IMMP2L: variants seen among roughly 807,000 people sequenced by gnomAD.
IMMP2L encodes the protein inner mitochondrial membrane peptidase subunit 2, also known as mitochondrial inner membrane protease subunit 2.
In IMMP2L, 18 loss-of-function variants were observed where a neutral mutation model predicts 19.3. That is an observed-to-expected ratio of 0.93 (90% confidence interval 0.64 to 1.38). IMMP2L has a LOEUF of 1.38. Among genes scored for constraint, IMMP2L ranks in the 40% most tolerant of loss-of-function variants. The pLI is 0.00. For missense variants in IMMP2L, 233 were observed against 218.2 expected (o/e 1.07, Z -0.43); for synonymous variants, 76 against 73.0 (o/e 1.04, Z -0.21).
At chr7:111,285,497 A>G (rs146534195) in intron 3 of IMMP2L, among the ~76,000 whole-genome samples, 2 of 152,276 alleles carry the variant, frequency 1.3e-5, no homozygotes, top group African/African-American at 4.8e-5. Context: ...TAAATTTCAG[A>G]ACACTAGCTT....
chr7:111,539,246 G>GAA lies in IMMP2L; in HGVS notation c.-2-17799_-2-17798dup, dbSNP rs1563331322. Reference sequence around the variant, plus strand: ...AGAAAGAAAGAAAGAAAGAAAGAAAGAAAGAAAGAAAGAAAGAAAGAAAGA... The same window carrying GAA: ...AGAAAGAAAGAAAGAAAGAAAGAAAGAAAAAGAAAGAAAGAAAGAAAGAAAGA... On this transcript the variant is annotated intron_variant, in intron 1 of 5. Transcript: ENST00000405709. 6.2e-5 allele frequency among the ~76,000 whole-genome samples: 9 copies of GAA among 145,344 alleles called. No homozygotes were observed. In the East Asian group the frequency reaches 1.8e-3, roughly 29 times the overall value.
rs188251165 is a variant in IMMP2L, at chr7:111,526,364, A to G, written c.-2-4915T>C. 5.1e-4 allele frequency among the ~76,000 whole-genome samples: 77 copies of G among 152,304 alleles called. 2 individuals are homozygous for G. The highest frequency in any genetic ancestry group is 1.7e-3 in the African/African-American group (71 of 41,572). On this transcript the variant is annotated intron_variant, in intron 1 of 5. Transcript: ENST00000405709. ...CTCATATGTTACTTGTGTAATTATT[A>G]AAGTATACCAAAAGAGGGAAGAAAG...
intron 3 of IMMP2L, among the ~76,000 whole-genome samples, chr7:111,039,380 T>C (rs181036546): frequency 6.6e-6 from 1 of 152,314 alleles, no homozygotes; most frequent in East Asian, 1.9e-4. Context: ...AGAATATATG[T>C]TTCTAAACAT....
At chr7:111,391,785 G>T in intron 3 of IMMP2L, 1 of 661,190 alleles carries the variant, frequency 1.5e-6, no homozygotes, top group South Asian at 1.6e-5. Flanking sequence ...ATAAGAGTAT[G>T]AGTTCAAGGA....
rs941293182 is a variant in IMMP2L, at chr7:111,213,068, C to T, written c.240-249503G>A. ...CCCTTCCAGGCACAGCTGCAGCCAC[C>T]CAAGTGGCGGCTCCAAACCCAGGCA... On this transcript the variant is annotated intron_variant, in intron 3 of 5. Coordinates refer to ENST00000405709, the MANE Select transcript of IMMP2L (RefSeq NM_032549.4). This position sits in a 1 kb window ranked among gnomAD's most constrained non-coding sequence, Gnocchi z 4.8. 6.6e-6 allele frequency among the ~76,000 whole-genome samples: 1 copy of T among 152,218 alleles called. No individual in the cohort carries two copies. Among genetic ancestry groups the T allele is most frequent in the African/African-American group, 2.4e-5 (1 of 41,454 alleles).
At chr7:110,812,114 A>T (rs1802083744) in intron 5 of IMMP2L, among the ~76,000 whole-genome samples, 1 of 152,068 alleles carries the variant, frequency 6.6e-6, no homozygotes, top group Non-Finnish European at 1.5e-5. Context: ...ATATACATAA[A>T]TGTACCTATG....
intron 2 of IMMP2L, among the ~76,000 whole-genome samples, chr7:111,501,235 G>C (rs1191072236): frequency 6.6e-6 from 1 of 152,152 alleles, no homozygotes; most frequent in African/African-American, 2.4e-5. Context: ...GATGGAAGAC[G>C]AAATGAATGA....
chr7:110,816,947 G>C (rs1332570337), intron 5 of IMMP2L, among the ~76,000 whole-genome samples: 5 of 152,168 alleles, frequency 3.3e-5, no homozygotes, highest in African/African-American at 1.2e-4. Context: ...CTTTTAATTG[G>C]AGCATTTAGC....
chr7:110,675,379 C>T (rs1792226585), intron 5 of IMMP2L, among the ~76,000 whole-genome samples: 1 of 152,104 alleles, frequency 6.6e-6, no homozygotes, highest in Non-Finnish European at 1.5e-5. Flanking sequence ...AAAAAACAGG[C>T]TCAGTTCTCC....
At chr7:111,142,317 C>A (rs1802987942) in intron 3 of IMMP2L, among the ~76,000 whole-genome samples, 1 of 131,330 alleles carries the variant, frequency 7.6e-6, no homozygotes, top group Non-Finnish European at 1.5e-5. Flanking sequence ...CAGGGTGAGA[C>A]TCTGTCTCAA....
chr7:111,552,204 T>C (rs1790743192), intron 1 of IMMP2L, among the ~76,000 whole-genome samples: 1 of 152,252 alleles, frequency 6.6e-6, no homozygotes, highest in South Asian at 2.1e-4. Flanking sequence ...GAGCAAGGTG[T>C]GTCATAATGC....
intron 3 of IMMP2L, among the ~76,000 whole-genome samples, chr7:111,231,927 G>A (rs115438504): frequency 6.6e-6 from 1 of 151,874 alleles, no homozygotes; most frequent in African/African-American, 2.4e-5. Context: ...GCACTATCTA[G>A]GAAGTCAATC....
chr7:111,425,305 AT>A, intron 3 of IMMP2L, among the ~76,000 whole-genome samples: 1 of 144,940 alleles, frequency 6.9e-6, no homozygotes, highest in Non-Finnish European at 1.6e-5. Context: ...GATGATGTTA[AT>A]GTTCTGTATC....
chr7:111,384,627 C>A (rs1358953233), intron 3 of IMMP2L, among the ~76,000 whole-genome samples: 1 of 152,090 alleles, frequency 6.6e-6, no homozygotes, highest in East Asian at 1.9e-4. Flanking sequence ...TTTGACTCTT[C>A]AGCCAATCAC....
chr7:110,929,591 C>G (rs192598056), intron 4 of IMMP2L, among the ~76,000 whole-genome samples: 53 of 152,282 alleles, frequency 3.5e-4, no homozygotes, highest in Admixed American at 3.1e-3. Flanking sequence ...ATGTGCTTCA[C>G]TGAAACTGCA....
At chr7:110,900,628 C>T (rs1338023676) in intron 4 of IMMP2L, among the ~76,000 whole-genome samples, 1 of 152,200 alleles carries the variant, frequency 6.6e-6, no homozygotes, top group Non-Finnish European at 1.5e-5. Context: ...CTTTGGCTTA[C>T]AAGCCCTGTA....
intron 3 of IMMP2L, among the ~76,000 whole-genome samples, chr7:111,144,069 T>C (rs1214348899): frequency 6.6e-6 from 1 of 152,168 alleles, no homozygotes; most frequent in Non-Finnish European, 1.5e-5. Context: ...CTATTTTTCT[T>C]ACAAGGCAAA....
In IMMP2L at chr7:111,123,639, G is replaced by A. The variant is rs150310313; in HGVS notation, c.240-160074C>T. 6.4e-5 allele frequency: 103 copies of A among 1,613,820 alleles called. No homozygotes were observed. The African/African-American group carries it at 1.3e-3, about 20-fold the overall frequency. ...GCAATATGCTACACTTAAAAGAGTT[G>A]GGGATAAATAATATGCCTGAGCTGA... On this transcript the variant is annotated intron_variant, in intron 3 of 5. Coordinates refer to ENST00000405709, the MANE Select transcript of IMMP2L (RefSeq NM_032549.4). The surrounding 1 kb of genome is among the most constrained non-coding windows in gnomAD (Gnocchi z 6.4).
intron 3 of IMMP2L, among the ~76,000 whole-genome samples, chr7:111,269,757 A>AG (rs1186684444): frequency 8.5e-5 from 13 of 152,148 alleles, no homozygotes; most frequent in African/African-American, 3.1e-4. Flanking sequence ...CCAGTATCCT[A>AG]TCTAAAAGAA....
Sources: gnomAD v4.1 joint callset for allele counts (sites outside exome capture counted in the v4.1 genomes callset) on GRCh38, gnomAD v4.1.1 for gene constraint, Gnocchi (gnomAD v3.1) non-coding constraint, MANE v1.5 for transcripts, NCBI Gene and HGNC (gene_info 2026-07-23, HGNC 2026-07-21) for gene names.